CGNL1: variants seen among roughly 807,000 people sequenced by gnomAD.
The protein encoded by CGNL1 is cingulin like 1.
CGNL1 carries 132 observed loss-of-function variants against 141.2 expected under a neutral mutation model. That is an observed-to-expected ratio of 0.93 (90% CI 0.81 to 1.08). The LOEUF (loss-of-function observed/expected upper bound fraction) is 1.08, where lower values mean the gene tolerates loss of function less well. Ranked by LOEUF, CGNL1 falls within the 50% of genes least tolerant of loss-of-function variation. The probability of loss-of-function intolerance (pLI) is 0.00; values close to 1 mark genes in which losing one functional copy is unlikely to be tolerated. For synonymous variants in CGNL1, 690 were observed against 622.1 expected, an observed-to-expected ratio of 1.11 and a Z score of -1.63; for missense variants, 1,870 against 1,588.6, an observed-to-expected ratio of 1.18 and a Z score of -3.01.
chr15:57,523,684 T>C (rs1216367628), intron 11 of CGNL1, 43 bp downstream of exon 11: 1 of 1,606,166 alleles, frequency 6.2e-7, no homozygotes, highest in Admixed American at 1.7e-5. Context: ...GCCAGATGTC[T>C]TTGTTGGACC....
At chr15:57,541,273 G>A (rs1169198874) in intron 14 of CGNL1, among the ~76,000 whole-genome samples, 4 of 152,332 alleles carry the variant, frequency 2.6e-5, no homozygotes, top group Admixed American at 6.5e-5. Flanking sequence ...CCTCAGTGAA[G>A]TGCTGGGCCC....
At chr15:57,489,665 C>T (rs148019404) in intron 8 of CGNL1, among the ~76,000 whole-genome samples, 3 of 152,174 alleles carry the variant, frequency 2.0e-5, no homozygotes, top group African/African-American at 4.8e-5. Flanking sequence ...GTTGAAGAGA[C>T]GATTCTTGCC....
intron 18 of CGNL1, 90 bp from the exon 19 acceptor site, chr15:57,547,265 G>A: frequency 6.9e-7 from 1 of 1,450,298 alleles, no homozygotes; most frequent in Admixed American, 1.9e-5. Flanking sequence ...TGGGGTGCAG[G>A]GACAGCAACC....
At chr15:57,393,701 A>G (rs562214038) in intron 1 of CGNL1, among the ~76,000 whole-genome samples, 63 of 152,292 alleles carry the variant, frequency 4.1e-4, no homozygotes, top group African/African-American at 1.4e-3. Context: ...GTGTGTGTGC[A>G]TAAGTATTAC....
At chr15:57,509,912 C>T (rs568663519) in intron 8 of CGNL1, among the ~76,000 whole-genome samples, 2 of 152,266 alleles carry the variant, frequency 1.3e-5, no homozygotes, top group African/African-American at 2.4e-5. Flanking sequence ...CATCGGTTTA[C>T]CACACCACCC....
intron 8 of CGNL1, among the ~76,000 whole-genome samples, chr15:57,465,452 A>G (rs2063499839): frequency 7.1e-6 from 1 of 141,274 alleles, no homozygotes. Flanking sequence ...GTGAAGTAAA[A>G]TGATCTCGTC....
chr15:57,520,283 C>T (rs559849990), intron 10 of CGNL1, among the ~76,000 whole-genome samples: 92 of 152,312 alleles, frequency 6.0e-4, no homozygotes, highest in Middle Eastern at 3.4e-3. Context: ...ATAGTCAGCT[C>T]CTTTTGTTTG....
chr15:57,518,373 G>T lies in CGNL1; in HGVS notation c.2611-20G>T, dbSNP rs755910132. On this transcript the variant is annotated intron_variant, in intron 9 of 18. Transcript: ENST00000281282. ...TACAGCACACATCTAAGTGCACACT[G>T]ACCCAGTGTTTCATTGTAGGGAGAA... 1.8e-5 allele frequency: 29 copies of T among 1,572,052 alleles called. No individual in the cohort carries two copies. The highest frequency in any genetic ancestry group is 1.2e-4 in the Admixed American group (7 of 59,428).
intron 1 of CGNL1, among the ~76,000 whole-genome samples, chr15:57,409,037 T>TCACACACACACACA (rs59988268): frequency 0.09 from 12,794 of 141,606 alleles, 621 homozygotes; most frequent in Admixed American, 0.12. Flanking sequence ...TGAGACTCTG[T>TCACACACACACACA]CACACACACA....
intron 1 of CGNL1, among the ~76,000 whole-genome samples, chr15:57,419,179 C>T (rs1438422981): frequency 2.0e-5 from 3 of 152,158 alleles, no homozygotes; most frequent in African/African-American, 7.2e-5. Context: ...ATCCACCTGC[C>T]TCGGCCTCCC....
intron 16 of CGNL1, among the ~76,000 whole-genome samples, 182 bp from the exon 17 acceptor site, chr15:57,545,410 A>G (rs1032321440): frequency 2.6e-5 from 4 of 152,116 alleles, no homozygotes; most frequent in African/African-American, 9.7e-5. Flanking sequence ...CCCTTCTCAG[A>G]GCCCCATTTC....
intron 3 of CGNL1, among the ~76,000 whole-genome samples, chr15:57,441,137 T>C (rs962326806): frequency 1.6e-4 from 24 of 151,930 alleles, no homozygotes; most frequent in Admixed American, 3.9e-4. Flanking sequence ...CAAATCCTCA[T>C]TGGTATCAAA....
intron 7 of CGNL1, among the ~76,000 whole-genome samples, chr15:57,458,805 A>C (rs1476025954): frequency 6.6e-6 from 1 of 152,180 alleles, no homozygotes; most frequent in South Asian, 2.1e-4. Context: ...GTATAATTTC[A>C]TAAGATCTCT....
intron 1 of CGNL1, among the ~76,000 whole-genome samples, chr15:57,380,957 G>C (rs1567083925): frequency 6.6e-6 from 1 of 152,194 alleles, no homozygotes; most frequent in Non-Finnish European, 1.5e-5. Flanking sequence ...CTGCCAATGG[G>C]CAGACATTGG....
intron 1 of CGNL1, among the ~76,000 whole-genome samples, chr15:57,416,193 C>T (rs1385301091): frequency 8.9e-6 from 1 of 112,992 alleles, no homozygotes; most frequent in Non-Finnish European, 1.9e-5. Context: ...TCGATTTGCT[C>T]AGTGTTTTTT....
rs376752942 is a variant in CGNL1 at position 57,482,663 on chromosome 15, TCA to T, written c.2403+20774_2403+20775del. 1.3e-4 allele frequency among the ~76,000 whole-genome samples: 20 copies of T among 152,346 alleles called. No homozygotes were observed. The East Asian group carries it at 3.1e-3, about 23-fold the overall frequency. On this transcript the variant is annotated intron_variant, in intron 8 of 18. Coordinates refer to ENST00000281282, the MANE Select transcript of CGNL1 (RefSeq NM_032866.5). ...CTGTGTGTCTATCCCTCTACCAGTA[TCA>T]CATAGTTTTGATGACTGTGGCTATA...
chr15:57,485,240 C>T (rs952843406), intron 8 of CGNL1, among the ~76,000 whole-genome samples: 39 of 152,056 alleles, frequency 2.6e-4, no homozygotes, highest in Non-Finnish European at 3.5e-4. Context: ...TTGTCTAGTT[C>T]GAGTCCATTT....
intron 11 of CGNL1, 132 bp downstream of exon 11, chr15:57,523,773 TC>T: frequency 1.1e-6 from 1 of 894,962 alleles, no homozygotes; most frequent in Non-Finnish European, 1.7e-6. Context: ...GATTTGCAGA[TC>T]CCAAGAGGCA....
At chr15:57,397,924 A>T (rs1285742143) in intron 1 of CGNL1, among the ~76,000 whole-genome samples, 7 of 152,030 alleles carry the variant, frequency 4.6e-5, no homozygotes, top group African/African-American at 1.7e-4. Flanking sequence ...CTGGGATTAT[A>T]GGTGCGTGCC....
Sources: gnomAD v4.1 joint callset for allele counts (sites outside exome capture counted in the v4.1 genomes callset) on GRCh38, gnomAD v4.1.1 for gene constraint, MANE v1.5 for transcripts, NCBI Gene and HGNC (gene_info 2026-07-23, HGNC 2026-07-21) for gene names.